Variants in RSRC1 observed in about 807,000 individuals in gnomAD.
The protein encoded by RSRC1 is serine/Arginine-related protein 53.
RSRC1 carries 39 observed loss-of-function variants against 49.1 expected under a neutral mutation model. The ratio of observed to expected loss-of-function variants is 0.79; its 90% CI spans 0.61 to 1.04. RSRC1 has a LOEUF of 1.04. Ranked by LOEUF, RSRC1 falls within the 50% of genes least tolerant of loss-of-function variation. The probability of loss-of-function intolerance (pLI) is 0.00; values close to 1 mark genes in which losing one functional copy is unlikely to be tolerated. For missense variants in RSRC1, 388 were observed against 402.4 expected (o/e 0.96, Z 0.31); for synonymous variants, 143 against 130.8 (o/e 1.09, Z -0.63).
chr3:158,132,888 A>G (rs933815650), intron 3 of RSRC1, among the ~76,000 whole-genome samples: 1 of 152,210 alleles, frequency 6.6e-6, no homozygotes, highest in African/African-American at 2.4e-5. Context: ...ATGATTAAGT[A>G]TGCCCAGTAC....
chr3:158,250,280 G>C (rs1724134628), intron 4 of RSRC1, among the ~76,000 whole-genome samples: 2 of 152,158 alleles, frequency 1.3e-5, no homozygotes. Context: ...ATAAACGTGG[G>C]AGTGCAGATG....
chr3:158,445,518 C>T (rs899984568), intron 6 of RSRC1, among the ~76,000 whole-genome samples: 18 of 151,142 alleles, frequency 1.2e-4, no homozygotes, highest in African/African-American at 3.9e-4. Flanking sequence ...GTGGGGGTAG[C>T]GGGGAGGGAC....
At chr3:158,350,179 A>AT (rs544000982) in intron 5 of RSRC1, among the ~76,000 whole-genome samples, 79,435 of 126,318 alleles carry the variant, frequency 0.63, 26,292 homozygotes, top group East Asian at 0.75. Context: ...TATATATATA[A>AT]TTTTTTTTTT....
At chr3:158,288,432 C>T (rs982008767) in intron 4 of RSRC1, among the ~76,000 whole-genome samples, 1 of 152,192 alleles carries the variant, frequency 6.6e-6, no homozygotes, top group African/African-American at 2.4e-5. Context: ...CTGGCCATGA[C>T]TCCTTACTAA....
intron 5 of RSRC1, among the ~76,000 whole-genome samples, chr3:158,350,639 A>AT (rs999490835): frequency 1.8e-4 from 28 of 152,138 alleles, no homozygotes; most frequent in African/African-American, 6.7e-4. Context: ...AATGGAATAC[A>AT]TTTTTTTCTC....
intron 6 of RSRC1, among the ~76,000 whole-genome samples, chr3:158,386,864 C>A (rs1411335640): frequency 1.3e-5 from 2 of 150,262 alleles, no homozygotes; most frequent in African/African-American, 4.9e-5. Context: ...CGTATTATTG[C>A]AAAATCATCG....
chr3:158,182,219 G>A (rs1719661575), intron 3 of RSRC1, among the ~76,000 whole-genome samples: 3 of 152,126 alleles, frequency 2.0e-5, no homozygotes. Context: ...ATGATAGGAA[G>A]AGCCCATGCA....
chr3:158,114,727 G>A (rs1191358835), intron 1 of RSRC1, among the ~76,000 whole-genome samples: 4 of 152,076 alleles, frequency 2.6e-5, no homozygotes, highest in African/African-American at 9.7e-5. Flanking sequence ...TCCCTTGTTA[G>A]CTGTATTCCT....
intron 6 of RSRC1, among the ~76,000 whole-genome samples, chr3:158,380,806 A>T (rs529673582): frequency 6.6e-6 from 1 of 152,244 alleles, no homozygotes; most frequent in African/African-American, 2.4e-5. Context: ...GAATTATTAC[A>T]TGTGTATTTT....
intron 4 of RSRC1, among the ~76,000 whole-genome samples, chr3:158,294,518 T>A (rs73166387): frequency 6.6e-6 from 1 of 152,024 alleles, no homozygotes; most frequent in Non-Finnish European, 1.5e-5. Context: ...GTTTTCCTTG[T>A]GGGTTCATCT....
chr3:158,170,562 G>T (rs1044658628), intron 3 of RSRC1, among the ~76,000 whole-genome samples: 7 of 152,092 alleles, frequency 4.6e-5, no homozygotes, highest in Non-Finnish European at 7.4e-5. Flanking sequence ...CAAGTAGACT[G>T]GGGAGGATAC....
At chr3:158,460,449 A>C (rs1367245801) in intron 6 of RSRC1, among the ~76,000 whole-genome samples, 4 of 151,866 alleles carry the variant, frequency 2.6e-5, no homozygotes, top group African/African-American at 7.2e-5. Flanking sequence ...TTTTAACCAA[A>C]TGCTGTCATA....
At chr3:158,249,225 C>G (rs923604639) in intron 4 of RSRC1, among the ~76,000 whole-genome samples, 2 of 152,162 alleles carry the variant, frequency 1.3e-5, no homozygotes, top group African/African-American at 4.8e-5. Flanking sequence ...GAAACCATCA[C>G]AATTAAGATA....
intron 1 of RSRC1, among the ~76,000 whole-genome samples, chr3:158,117,561 A>T (rs931574088): frequency 1.3e-5 from 2 of 152,192 alleles, no homozygotes; most frequent in African/African-American, 4.8e-5. Flanking sequence ...CAAAGTGCTG[A>T]TATTACAAAT....
intron 1 of RSRC1, among the ~76,000 whole-genome samples, chr3:158,120,749 A>G (rs1359759715): frequency 6.7e-6 from 1 of 149,088 alleles, no homozygotes; most frequent in Non-Finnish European, 1.5e-5. Flanking sequence ...CTTTTGCACC[A>G]ACATAATACT....
intron 7 of RSRC1, among the ~76,000 whole-genome samples, chr3:158,486,000 C>T (rs1343179805): frequency 2.0e-5 from 3 of 152,064 alleles, no homozygotes; most frequent in African/African-American, 4.8e-5. Flanking sequence ...AAAATCATAA[C>T]GTTCATTCAA....
intron 6 of RSRC1, among the ~76,000 whole-genome samples, chr3:158,383,293 C>T (rs1483598609): frequency 6.6e-6 from 1 of 152,104 alleles, no homozygotes; most frequent in East Asian, 1.9e-4. Flanking sequence ...ATATAGTTGG[C>T]CCTCCATATC....
intron 4 of RSRC1, among the ~76,000 whole-genome samples, chr3:158,217,413 G>A (rs1322990661): frequency 2.6e-5 from 4 of 151,674 alleles, no homozygotes; most frequent in Non-Finnish European, 5.9e-5. Flanking sequence ...GGAGTAAACG[G>A]TCTCTCAAGT....
intron 4 of RSRC1, among the ~76,000 whole-genome samples, chr3:158,246,347 T>C (rs945947099): frequency 6.6e-6 from 1 of 151,576 alleles, no homozygotes; most frequent in South Asian, 2.1e-4. Context: ...TGTATACATA[T>C]GTAACAAACC....
Sources: allele counts gnomAD v4.1 joint callset (sites outside exome capture counted in the v4.1 genomes callset), GRCh38; gene constraint gnomAD v4.1.1; transcripts MANE v1.5; gene names NCBI Gene and HGNC (gene_info 2026-07-23, HGNC 2026-07-21).